NRG4: variants seen among roughly 807,000 people sequenced by gnomAD.
NRG4 encodes the protein pro-neuregulin-4, membrane-bound isoform.
Under a neutral mutation model 15.0 loss-of-function variants are expected in NRG4, and 10 were observed. The observed-to-expected ratio is 0.67, with a 90% CI of 0.41 to 1.13. The LOEUF (loss-of-function observed/expected upper bound fraction) is 1.13, where lower values mean the gene tolerates loss of function less well. Ranked by LOEUF, NRG4 falls within the 50% of genes most tolerant of loss-of-function variation. The pLI, the probability that NRG4 is intolerant of heterozygous loss-of-function variation, is 0.00. For synonymous variants in NRG4, 41 were observed against 50.1 expected (o/e 0.82, Z 0.77); for missense variants, 139 against 140.2 (o/e 0.99, Z 0.04).
intron 3 of NRG4, among the ~76,000 whole-genome samples, chr15:75,963,303 G>A (rs1319598517): frequency 6.6e-6 from 1 of 152,126 alleles, no homozygotes; most frequent in Non-Finnish European, 1.5e-5. Flanking sequence ...AGGGGACATA[G>A]GGAAAGTAAG....
At chr15:75,975,957 G>A (rs1279788311) in intron 3 of NRG4, among the ~76,000 whole-genome samples, 1 of 152,100 alleles carries the variant, frequency 6.6e-6, no homozygotes, top group African/African-American at 2.4e-5. Context: ...TTTCCAACTT[G>A]GTTCCATTCA....
At chr15:76,042,232 A>C (rs1199650821) in intron 4 of NRG4, among the ~76,000 whole-genome samples, 3 of 152,138 alleles carry the variant, frequency 2.0e-5, no homozygotes, top group East Asian at 3.8e-4. Context: ...AAAAAGTAGG[A>C]AAACATCAAA....
rs143303709 is a variant in NRG4, at chr15:75,970,443, C to T, written c.105-8469G>A. ...CCTGACAAATGATAATTCCACCTATCGAAGACTGGGGGTGCTACTATTGTG... is the reference window on the plus strand; with the variant it reads ...CCTGACAAATGATAATTCCACCTATTGAAGACTGGGGGTGCTACTATTGTG... On this transcript the variant is annotated intron_variant, in intron 3 of 5. Coordinates refer to ENST00000394907, the MANE Select transcript of NRG4 (RefSeq NM_138573.4). Among the ~76,000 whole-genome samples, 15 of 152,310 alleles carry T rather than the reference C, an allele frequency of 9.8e-5. No homozygotes were observed. In the East Asian group the frequency reaches 2.1e-3, roughly 22 times the overall value.
chr15:76,054,338 G>A (rs113628231), intron 2 of NRG4, among the ~76,000 whole-genome samples: 1 of 151,566 alleles, frequency 6.6e-6, no homozygotes, highest in Non-Finnish European at 1.5e-5. Context: ...CGATCTGCCC[G>A]CCTCAGCCTC....
At chr15:75,983,443 A>C (rs550733017) in intron 3 of NRG4, among the ~76,000 whole-genome samples, 1 of 152,290 alleles carries the variant, frequency 6.6e-6, no homozygotes, top group East Asian at 1.9e-4. Context: ...AAAAAACAAT[A>C]AAAAGTAAAA....
chr15:76,059,822 A>T (rs1022283729), upstream of NRG4: 1 of 142,934 alleles, frequency 7.0e-6, no homozygotes, highest in Admixed American at 6.9e-5. Flanking sequence ...GGCCGGCGGG[A>T]GGCGAGGGCG....
At chr15:76,027,385 T>C (rs2035343216) in intron 5 of NRG4, among the ~76,000 whole-genome samples, 1 of 151,872 alleles carries the variant, frequency 6.6e-6, no homozygotes, top group Non-Finnish European at 1.5e-5. Context: ...GTCGTAAATA[T>C]ATATATGCAC....
intron 5 of NRG4, among the ~76,000 whole-genome samples, chr15:76,023,541 C>T (rs1412212219): frequency 6.6e-6 from 1 of 152,176 alleles, no homozygotes; most frequent in Non-Finnish European, 1.5e-5. Flanking sequence ...TATGCAACTA[C>T]ACTGCTCTGG....
chr15:75,946,428 G>C (rs530661337), intron 5 of NRG4, among the ~76,000 whole-genome samples: 170 of 152,312 alleles, frequency 1.1e-3, no homozygotes, highest in Admixed American at 2.9e-3. Context: ...CACGATCTCA[G>C]CTCACTGCAA....
chr15:76,007,427 CTTT>C (rs61259541), intron 3 of NRG4, among the ~76,000 whole-genome samples: 6 of 133,510 alleles, frequency 4.5e-5, no homozygotes, highest in Admixed American at 3.0e-4. Flanking sequence ...ATTAAACGCA[CTTT>C]TTTTTTTTTT....
In NRG4 at chr15:75,989,510, G is replaced by GA. The variant is rs753781993; in HGVS notation, c.104+19689dup. On this transcript the variant is annotated intron_variant, in intron 3 of 5. Transcript: ENST00000394907. ...CCTCTATGACTCTGTTCCTTAGTCT[G>GA]AAAAAAAAAAATCTATTTTGGAAAG... Among the ~76,000 whole-genome samples the GA allele has an allele frequency of 8.9e-3, 1,309 of 146,374 alleles. 7 individuals are homozygous for GA. The highest frequency in any genetic ancestry group is 0.014 in the Non-Finnish European group (934 of 66,292).
At chr15:75,985,718 T>A (rs1177861981) in intron 3 of NRG4, among the ~76,000 whole-genome samples, 1 of 152,160 alleles carries the variant, frequency 6.6e-6, no homozygotes, top group African/African-American at 2.4e-5. Context: ...CTGTCAACTC[T>A]ATTCTCCACA....
At chr15:75,963,872 C>CT (rs1292327779) in intron 3 of NRG4, among the ~76,000 whole-genome samples, 3 of 151,594 alleles carry the variant, frequency 2.0e-5, no homozygotes, top group Non-Finnish European at 4.4e-5. Context: ...AAGCCTAGGA[C>CT]TTTGAGGTTG....
At chr15:76,047,901 A>G (rs1466528478) in intron 4 of NRG4, among the ~76,000 whole-genome samples, 1 of 151,100 alleles carries the variant, frequency 6.6e-6, no homozygotes. Flanking sequence ...TGCAACTACA[A>G]TCCCAGCTAC....
At chr15:75,950,078 A>C (rs1353866378) in intron 5 of NRG4, among the ~76,000 whole-genome samples, 1 of 152,196 alleles carries the variant, frequency 6.6e-6, no homozygotes, top group Non-Finnish European at 1.5e-5. Context: ...ACACCTTACA[A>C]TATTGAATCT....
chr15:75,973,795 C>T (rs995057396), intron 3 of NRG4, among the ~76,000 whole-genome samples: 4 of 152,122 alleles, frequency 2.6e-5, no homozygotes, highest in East Asian at 3.8e-4. Flanking sequence ...ATTTTCATAT[C>T]GATGTTCATC....
At chr15:75,968,108 G>A (rs932815106) in intron 3 of NRG4, among the ~76,000 whole-genome samples, 2 of 152,170 alleles carry the variant, frequency 1.3e-5, no homozygotes, top group Non-Finnish European at 2.9e-5. Flanking sequence ...TTCCAATGGA[G>A]ACTTTTTGGG....
At chr15:75,974,408 C>A (rs912667792) in intron 3 of NRG4, among the ~76,000 whole-genome samples, 1 of 152,218 alleles carries the variant, frequency 6.6e-6, no homozygotes, top group Non-Finnish European at 1.5e-5. Context: ...CTTCTGCTAG[C>A]TTTTGAATGT....
At chr15:76,000,248 A>T (rs1222295332) in intron 3 of NRG4, among the ~76,000 whole-genome samples, 1 of 152,164 alleles carries the variant, frequency 6.6e-6, no homozygotes, top group African/African-American at 2.4e-5. Context: ...GATAGATTTG[A>T]CTGCAGTAAA....
Sources: allele counts gnomAD v4.1 joint callset (sites outside exome capture counted in the v4.1 genomes callset), GRCh38; gene constraint gnomAD v4.1.1; transcripts MANE v1.5; gene names NCBI Gene and HGNC (gene_info 2026-07-23, HGNC 2026-07-21).